EPHA5: variants seen among roughly 807,000 people sequenced by gnomAD.
The protein encoded by EPHA5 is ephrin type-A receptor 5.
EPHA5 carries 60 observed loss-of-function variants against 105.0 expected under a neutral mutation model. The observed-to-expected ratio is 0.57, with a 90% confidence interval of 0.46 to 0.71. EPHA5 has a LOEUF of 0.71. Among genes scored for constraint, EPHA5 ranks in the 30% least tolerant of loss-of-function variants. EPHA5 has a pLI of 0.00. For missense variants in EPHA5, 1,218 were observed against 1,274.7 expected (o/e 0.96, Z 0.68); for synonymous variants, 513 against 449.1 (o/e 1.14, Z -1.80).
At chr4:65,441,793 A>T (rs1217469586) in intron 5 of EPHA5, among the ~76,000 whole-genome samples, 2 of 152,166 alleles carry the variant, frequency 1.3e-5, no homozygotes, top group African/African-American at 4.8e-5. Context: ...AATTCTTCTC[A>T]ATTAAGAAAT....
intron 2 of EPHA5, among the ~76,000 whole-genome samples, chr4:65,625,943 CA>C (rs1560789706): frequency 1.3e-5 from 2 of 151,750 alleles, no homozygotes; most frequent in South Asian, 4.1e-4. Context: ...ACTAAAAATA[CA>C]AAAAAATTAT....
intron 2 of EPHA5, among the ~76,000 whole-genome samples, chr4:65,612,041 GAAAGA>G (rs35758516): frequency 0.034 from 4,041 of 118,742 alleles, 152 homozygotes; most frequent in South Asian, 0.068. Flanking sequence ...AAAAAAAAAG[GAAAGA>G]AAAGAAAAGA....
rs1456401802 is a variant in EPHA5, at chr4:65,332,102, C to T, written c.2816G>A (p.Ser939Asn). The T allele has an allele frequency of 5.0e-6, 8 of 1,604,222 alleles. No homozygotes were observed. The highest frequency in any genetic ancestry group is 6.0e-6 in the Non-Finnish European group (7 of 1,175,938). ...CRVSNLLAEH[S>N]PLGSGAYRSV... ...TCTGTAGGCCCCAGATCCTAGTGGG[C>T]TATGTTCTGCCAATAAATTAGATAC... The change falls in exon 16 of 17, where the codon AGC becomes AAC. Residue 939 changes from serine (S) to asparagine (N), a missense_variant. Coordinates refer to ENST00000613740, the MANE Select transcript of EPHA5 (RefSeq NM_001281766.3).
chr4:65,404,952 A>G lies in EPHA5; in HGVS notation c.1688-473T>C, dbSNP rs140417654. On this transcript the variant is annotated intron_variant, in intron 7 of 16. Transcript: ENST00000613740. ...GACATTGGAGACATTGATGACCAAA[A>G]TAATGTGACTATGACCTCATTGAAG... Among the ~76,000 whole-genome samples, 174 of 152,302 alleles carry G rather than the reference A, an allele frequency of 1.1e-3. 1 individual carries two copies. The East Asian group carries it at 0.031, about 27-fold the overall frequency.
intron 3 of EPHA5, among the ~76,000 whole-genome samples, chr4:65,531,459 TGTCTTTGC>T (rs1173150728): frequency 1.4e-5 from 2 of 145,986 alleles, no homozygotes; most frequent in Non-Finnish European, 3.1e-5. Context: ...TATACTGAGA[TGTCTTTGC>T]AGAATGACCA....
chr4:65,363,229 A>C (rs1189293052), intron 11 of EPHA5, among the ~76,000 whole-genome samples: 1 of 151,596 alleles, frequency 6.6e-6, no homozygotes, highest in Non-Finnish European at 1.5e-5. Flanking sequence ...TATGTACTAA[A>C]TAAGTACTTA....
chr4:65,424,968 C>T (rs1020960988), intron 5 of EPHA5, among the ~76,000 whole-genome samples: 7 of 151,938 alleles, frequency 4.6e-5, no homozygotes, highest in African/African-American at 1.7e-4. Flanking sequence ...ATACCATTCA[C>T]GCATCCCTAT....
intron 3 of EPHA5, among the ~76,000 whole-genome samples, chr4:65,557,365 A>T (rs1187573638): frequency 6.6e-6 from 1 of 150,790 alleles, no homozygotes; most frequent in East Asian, 1.9e-4. Flanking sequence ...GTATTGAAAA[A>T]TTAAAGTTAG....
chr4:65,568,066 T>TCTCTCTTCAC (rs1739741001), intron 3 of EPHA5, among the ~76,000 whole-genome samples: 1 of 151,586 alleles, frequency 6.6e-6, no homozygotes, highest in African/African-American at 2.4e-5. Context: ...ATGTTTAACT[T>TCTCTCTTCAC]CATGTAAAGG....
intron 2 of EPHA5, among the ~76,000 whole-genome samples, chr4:65,641,591 A>G (rs573710968): frequency 6.6e-6 from 1 of 152,266 alleles, no homozygotes; most frequent in Admixed American, 6.5e-5. Flanking sequence ...TTCCTTAAAT[A>G]TAATACATTT....
At chr4:65,541,658 T>A (rs1307129182) in intron 3 of EPHA5, among the ~76,000 whole-genome samples, 3 of 151,922 alleles carry the variant, frequency 2.0e-5, no homozygotes, top group African/African-American at 7.2e-5. Context: ...AGTGGGAGAA[T>A]CTAACACCCC....
At chr4:65,337,790 G>T (rs1444978370) in intron 14 of EPHA5, among the ~76,000 whole-genome samples, 1 of 152,050 alleles carries the variant, frequency 6.6e-6, no homozygotes, top group Non-Finnish European at 1.5e-5. Context: ...CACAGCTGAT[G>T]TAGTTTATAT....
intron 3 of EPHA5, chr4:65,573,346 G>A (rs1740416399): frequency 1.6e-6 from 1 of 610,862 alleles, no homozygotes; most frequent in East Asian, 3.1e-5. Flanking sequence ...GGGAGGCAGA[G>A]CTTGCAATGA....
chr4:65,340,274 C>T (rs529609003), intron 14 of EPHA5, among the ~76,000 whole-genome samples: 4 of 152,108 alleles, frequency 2.6e-5, no homozygotes, highest in African/African-American at 9.7e-5. Context: ...TGTTATTCTT[C>T]ATGTTGCGAT....
chr4:65,596,931 C>T (rs912592046), intron 3 of EPHA5, among the ~76,000 whole-genome samples: 1 of 152,078 alleles, frequency 6.6e-6, no homozygotes, highest in African/African-American at 2.4e-5. Context: ...TAATATATTT[C>T]CAGCCAATTT....
intron 3 of EPHA5, among the ~76,000 whole-genome samples, chr4:65,519,118 T>C (rs546855323): frequency 6.6e-6 from 1 of 152,200 alleles, no homozygotes; most frequent in African/African-American, 2.4e-5. Context: ...TTATCCACCA[T>C]GATCAAGTGG....
chr4:65,665,024 A>G (rs1284113043), intron 1 of EPHA5, among the ~76,000 whole-genome samples: 3 of 151,954 alleles, frequency 2.0e-5, no homozygotes, highest in African/African-American at 7.2e-5. Flanking sequence ...TATATTAAAT[A>G]TATGCTAATT....
intron 3 of EPHA5, among the ~76,000 whole-genome samples, chr4:65,523,285 T>A (rs1482028166): frequency 2.0e-5 from 3 of 151,924 alleles, no homozygotes; most frequent in Non-Finnish European, 4.4e-5. Context: ...CTTTGCTCCG[T>A]GCTTCTTTAA....
Position 65,338,994 on chromosome 4 carries a change from G to T in EPHA5, c.2596-2869C>A, listed in dbSNP as rs146602156. ...GCTGAGATGAACAAAGTAAAGAAAA[G>T]ACAATTAGAATGAGAATTTTTACAG... On this transcript the variant is annotated intron_variant, in intron 14 of 16. Coordinates refer to ENST00000613740, the MANE Select transcript of EPHA5 (RefSeq NM_001281766.3). 2.6e-5 allele frequency among the ~76,000 whole-genome samples: 4 copies of T among 152,198 alleles called. No homozygotes were observed. The East Asian group carries it at 7.8e-4, about 29-fold the overall frequency.
Sources: gnomAD v4.1 joint callset for allele counts (sites outside exome capture counted in the v4.1 genomes callset) on GRCh38, gnomAD v4.1.1 for gene constraint, MANE v1.5 for transcripts, NCBI Gene and HGNC (gene_info 2026-07-23, HGNC 2026-07-21) for gene names.